Variants in STRN observed in about 807,000 individuals in gnomAD.
The protein encoded by STRN is protein phosphatase 2 regulatory subunit B'''alpha.
A neutral mutation model predicts 96.3 loss-of-function variants in STRN; 53 were observed. The observed-to-expected ratio is 0.55, with a 90% CI of 0.44 to 0.69. The LOEUF (loss-of-function observed/expected upper bound fraction) is 0.69, where lower values mean the gene tolerates loss of function less well. Among genes scored for constraint, STRN ranks in the 30% least tolerant of loss-of-function variants. The probability of loss-of-function intolerance (pLI) is 0.00; values close to 1 mark genes in which losing one functional copy is unlikely to be tolerated. For missense variants in STRN, 987 were observed against 963.9 expected (o/e 1.02, Z -0.32); for synonymous variants, 428 against 355.9 (o/e 1.20, Z -2.28).
chr2:36,934,904 C>G (rs879539827), intron 1 of STRN, among the ~76,000 whole-genome samples: 1 of 152,054 alleles, frequency 6.6e-6, no homozygotes, highest in Non-Finnish European at 1.5e-5. Flanking sequence ...ATGGTGAAAC[C>G]CCGTCTCTAC....
chr2:36,904,088 G>C (rs1420922775), intron 4 of STRN, among the ~76,000 whole-genome samples: 1 of 152,036 alleles, frequency 6.6e-6, no homozygotes, highest in Admixed American at 6.6e-5. Context: ...AGCTCATTAT[G>C]AAATCATTTT....
chr2:36,916,763 T>C (rs1486257796), intron 2 of STRN, among the ~76,000 whole-genome samples: 3 of 152,128 alleles, frequency 2.0e-5, no homozygotes. Flanking sequence ...GAACTGTGAA[T>C]GGGAATACTG....
intron 1 of STRN, among the ~76,000 whole-genome samples, chr2:36,942,349 A>G (rs1670866427): frequency 6.6e-6 from 1 of 152,094 alleles, no homozygotes; most frequent in Non-Finnish European, 1.5e-5. Flanking sequence ...TATTTTTCTC[A>G]TGTAAAAATG....
At chr2:36,889,829 GCTCA>G (rs1432671426) in intron 7 of STRN, among the ~76,000 whole-genome samples, 4 of 152,122 alleles carry the variant, frequency 2.6e-5, no homozygotes, top group African/African-American at 9.7e-5. Context: ...ATTTACTCAT[GCTCA>G]CTAACAGAAC....
chr2:36,885,566 C>A (rs908569065), intron 8 of STRN, among the ~76,000 whole-genome samples: 2 of 152,106 alleles, frequency 1.3e-5, no homozygotes, highest in African/African-American at 4.8e-5. Context: ...AGCATTACAA[C>A]ATCATCTCTC....
At chr2:36,875,985 G>C (rs1383645758) in intron 10 of STRN, among the ~76,000 whole-genome samples, 1 of 152,034 alleles carries the variant, frequency 6.6e-6, no homozygotes, top group Non-Finnish European at 1.5e-5. Context: ...ATCTTTATCA[G>C]GTCAGGCATG....
chr2:36,841,823 G>A lies in STRN; in HGVS notation c.*7633C>T, dbSNP rs1667958817. On this transcript the variant is annotated 3_prime_UTR_variant, in exon 18 of 18. Transcript: ENST00000263918. ...AAAAATATTTAATTTAGATAACAAG[G>A]ACCAATGACAAGCCAGAATTGGAAC... 6.6e-6 allele frequency: 1 copy of A among 152,166 alleles called. No individual in the cohort carries two copies. The highest frequency in any genetic ancestry group is 6.5e-5 in the Admixed American group (1 of 15,276). 9.4% of individuals were successfully genotyped at this position (152,166 alleles called of 1,614,324 possible).
chr2:36,894,031 A>C lies in STRN; in HGVS notation c.798T>G (p.Ile266Met). Residue 266 changes from isoleucine to methionine, a missense_variant and splice_region_variant, in exon 7 of 18, where the codon ATT (isoleucine) becomes ATG (methionine). Physicochemically the swap from Ile to Met is conservative, Grantham distance 10. Transcript: ENST00000263918. ...REKSVIDTST[I>M]VRKKALPDSG... is the part of the protein sequence containing the mutation. ...TGTCAGGCAATGCTTTTTTCCTAAC[A>C]ATCTAATGAAAAAACATGCTAAATT... is the stretch of plus-strand genomic sequence containing the variant. 2.5e-6 allele frequency: 4 copies of C among 1,609,078 alleles called. No individual in the cohort carries two copies. The highest frequency in any genetic ancestry group is 3.4e-6 in the Non-Finnish European group (4 of 1,178,886).
chr2:36,945,416 CCAG>C (rs1175342984), intron 1 of STRN, among the ~76,000 whole-genome samples: 2 of 152,140 alleles, frequency 1.3e-5, no homozygotes, highest in East Asian at 3.9e-4. Flanking sequence ...GCCTGTAATC[CCAG>C]CACTTTGGGA....
At chr2:36,870,952 T>G (rs1051465739) in intron 10 of STRN, among the ~76,000 whole-genome samples, 1 of 152,150 alleles carries the variant, frequency 6.6e-6, no homozygotes, top group Non-Finnish European at 1.5e-5. Flanking sequence ...GTATGTGTAT[T>G]CATTTTTAAC....
chr2:36,895,432 T>C (rs72785092), intron 6 of STRN, among the ~76,000 whole-genome samples: 4 of 152,124 alleles, frequency 2.6e-5, no homozygotes, highest in African/African-American at 9.7e-5. Flanking sequence ...CAAGAAATAC[T>C]TCTATGCTTA....
chr2:36,870,367 T>C (rs895442886), intron 10 of STRN, among the ~76,000 whole-genome samples: 3 of 152,126 alleles, frequency 2.0e-5, no homozygotes, highest in Admixed American at 6.5e-5. Context: ...AGATTATATT[T>C]GATTTTACAC....
chr2:36,957,744 CTTTTTTTT>C (rs1159531782), intron 1 of STRN, among the ~76,000 whole-genome samples: 26 of 89,184 alleles, frequency 2.9e-4, no homozygotes, highest in Non-Finnish European at 3.5e-4. Context: ...TTCTTTTTGT[CTTTTTTTT>C]TTTTTTTTTT....
chr2:36,856,161 A>T (rs1668338575), intron 14 of STRN, among the ~76,000 whole-genome samples: 1 of 152,246 alleles, frequency 6.6e-6, no homozygotes, highest in African/African-American at 2.4e-5. Context: ...ACAGACTGAC[A>T]ATACTGTATG....
At chr2:36,949,223 C>T (rs1664692545) in intron 1 of STRN, among the ~76,000 whole-genome samples, 1 of 152,180 alleles carries the variant, frequency 6.6e-6, no homozygotes, top group Non-Finnish European at 1.5e-5. Flanking sequence ...AGGTATGTAG[C>T]AGGCTATACC....
In STRN at chr2:36,849,433, G is replaced by A; in HGVS notation, c.*23C>T. On this transcript the variant is annotated 3_prime_UTR_variant, in exon 18 of 18. Transcript: ENST00000263918. ...GCAGTTGATTACTTATAAACAGCTA[G>A]AAGGTGAAGATGATGCATTGCGTCA... The A allele has an allele frequency of 1.9e-6, 3 of 1,612,492 alleles. No homozygotes were observed. The highest frequency in any genetic ancestry group is 2.5e-6 in the Non-Finnish European group (3 of 1,179,132).
chr2:36,942,386 G>A (rs1039086828), intron 1 of STRN, among the ~76,000 whole-genome samples: 2 of 152,034 alleles, frequency 1.3e-5, no homozygotes, highest in Non-Finnish European at 2.9e-5. Context: ...TACTTGTTAA[G>A]TCACTGTTAA....
intron 11 of STRN, 83 bp from the exon 12 acceptor site, chr2:36,867,944 A>T: frequency 3.6e-6 from 4 of 1,102,188 alleles, no homozygotes; most frequent in Non-Finnish European, 5.2e-6. Context: ...TGTCTTTAAA[A>T]ATACAAACAT....
At chr2:36,923,190 C>G (rs1429491385) in intron 2 of STRN, among the ~76,000 whole-genome samples, 1 of 151,248 alleles carries the variant, frequency 6.6e-6, no homozygotes, top group South Asian at 2.1e-4. Flanking sequence ...TCGCTCACGC[C>G]TGTAATCCCA....
Sources: allele counts gnomAD v4.1 joint callset (sites outside exome capture counted in the v4.1 genomes callset), GRCh38; gene constraint gnomAD v4.1.1; transcripts MANE v1.5; gene names NCBI Gene and HGNC (gene_info 2026-07-23, HGNC 2026-07-21).